The following DNAJC16 variants were observed in gnomAD, a reference collection of about 807,000 sequenced individuals.
DNAJC16 encodes dnaJ homolog subfamily C member 16.
A neutral mutation model predicts 92.7 loss-of-function variants in DNAJC16; 76 were observed. The observed-to-expected ratio is 0.82, with a 90% confidence interval of 0.68 to 0.99. The LOEUF (loss-of-function observed/expected upper bound fraction) is 0.99, where lower values mean the gene tolerates loss of function less well. Among genes scored for constraint, DNAJC16 ranks in the 50% least tolerant of loss-of-function variants. The pLI is 0.00. For synonymous variants in DNAJC16, 328 were observed against 358.7 expected, an observed-to-expected ratio of 0.91 and a Z score of 0.97; for missense variants, 869 against 942.4, an observed-to-expected ratio of 0.92 and a Z score of 1.02.
At chr1:15,538,334 G>T (rs1262423710) in intron 4 of DNAJC16, among the ~76,000 whole-genome samples, 1 of 151,994 alleles carries the variant, frequency 6.6e-6, no homozygotes, top group Non-Finnish European at 1.5e-5. Context: ...AGCAGAGGTT[G>T]CAGTGAGCCA....
At chr1:15,552,173 G>C (rs536409083) in intron 7 of DNAJC16, among the ~76,000 whole-genome samples, 1 of 151,652 alleles carries the variant, frequency 6.6e-6, no homozygotes, top group African/African-American at 2.4e-5. Context: ...CACCCAGCCC[G>C]TTCTTTTTTT....
intron 6 of DNAJC16, among the ~76,000 whole-genome samples, chr1:15,547,376 G>C (rs1638335511): frequency 6.6e-6 from 1 of 151,248 alleles, no homozygotes; most frequent in Admixed American, 6.6e-5. Context: ...TCGAACTCCT[G>C]ACCTTGTGAC....
At chr1:15,563,436 C>T (rs1181611965) in intron 9 of DNAJC16, among the ~76,000 whole-genome samples, 1 of 151,698 alleles carries the variant, frequency 6.6e-6, no homozygotes, top group African/African-American at 2.4e-5. Flanking sequence ...GGCTGAGGCA[C>T]GAGAATTGCT....
intron 7 of DNAJC16, among the ~76,000 whole-genome samples, 200 bp downstream of exon 7, chr1:15,548,628 C>A (rs963624576): frequency 3.9e-5 from 6 of 152,020 alleles, no homozygotes; most frequent in Non-Finnish European, 8.8e-5. Flanking sequence ...AATTTTAGCA[C>A]CTTTAAAGGG....
intron 4 of DNAJC16, among the ~76,000 whole-genome samples, chr1:15,538,670 T>C (rs1710852728): frequency 6.6e-6 from 1 of 152,086 alleles, no homozygotes; most frequent in African/African-American, 2.4e-5. Flanking sequence ...TGAGCTGAGA[T>C]CACACCATTG....
At chr1:15,565,855 ATCT>A in intron 11 of DNAJC16, 61 bp from the exon 12 acceptor site, 1 of 1,518,444 alleles carries the variant, frequency 6.6e-7, no homozygotes, top group South Asian at 1.2e-5. Context: ...TTTTTATTTT[ATCT>A]TTTTTTAGCT....
rs1307648770 is a variant in DNAJC16, at chr1:15,562,207, C to A, written c.1220C>A (p.Ser407Tyr). The change falls in exon 9 of 15, where the codon TCC (serine) becomes TAC (tyrosine). Residue 407 changes from serine to tyrosine, a missense_variant. Coordinates refer to ENST00000375847, the MANE Select transcript of DNAJC16 (RefSeq NM_015291.4). ...AGCAAACCCTTTGAGGCTTTCCTGT[C>A]CTTTGCCCTGGCAAACACTCAAGAC... ...KLSKPFEAFL[S>Y]FALANTQDTV... 1.9e-6 allele frequency: 3 copies of A among 1,614,122 alleles called. No individual in the cohort carries two copies. The highest frequency in any genetic ancestry group is 2.5e-6 in the Non-Finnish European group (3 of 1,179,978).
chr1:15,560,504 A>G (rs1460971937), intron 8 of DNAJC16, among the ~76,000 whole-genome samples: 1 of 152,218 alleles, frequency 6.6e-6, no homozygotes, highest in East Asian at 1.9e-4. Context: ...CAGGGAATGT[A>G]TTCATTACAC....
Position 15,536,456 on chromosome 1 carries a change from T to C in DNAJC16, c.235-19T>C. 2 of 1,543,096 alleles carry C rather than the reference T, an allele frequency of 1.3e-6. No homozygotes were observed. The highest frequency in any genetic ancestry group is 2.5e-5 in the South Asian group (2 of 80,288). ...GATGAACCTTTTGTTGTTGTTTAGA[T>C]TTTTTTCTTCCTTTATAGATTCTTT... On this transcript the variant is annotated intron_variant, in intron 3 of 14. Coordinates refer to ENST00000375847, the MANE Select transcript of DNAJC16 (RefSeq NM_015291.4).
chr1:15,566,443 G>A, intron 13 of DNAJC16: 1 of 455,828 alleles, frequency 2.2e-6, no homozygotes, highest in Admixed American at 3.8e-5. Context: ...GCAGGACGTG[G>A]TTTATCCCTG....
In DNAJC16 at chr1:15,526,901, G is replaced by C. The variant is rs1185911284; in HGVS notation, c.-76G>C. The C allele has an allele frequency of 6.6e-6, 1 of 152,376 alleles. No homozygotes were observed. The highest frequency in any genetic ancestry group is 1.5e-5 in the Non-Finnish European group (1 of 68,106). 9.4% of individuals were successfully genotyped at this position (152,376 alleles called of 1,614,324 possible). ...CGCTGGTGTGGACGGGAAGCTCCCG[G>C]CCCGGCGAACTAACTGGAGCACGGA... On this transcript the variant is annotated 5_prime_UTR_variant, in exon 1 of 15. Coordinates refer to ENST00000375847, the MANE Select transcript of DNAJC16 (RefSeq NM_015291.4).
Position 15,562,306 on chromosome 1 carries a change from C to T in DNAJC16, c.1319C>T (p.Ala440Val), listed in dbSNP as rs777775879. The change falls in exon 9 of 15, where the codon GCG becomes GTG. Residue 440 changes from alanine to valine, a missense_variant. Coordinates refer to ENST00000375847, the MANE Select transcript of DNAJC16 (RefSeq NM_015291.4). ...GACACCTTACTACCAGACAGTGAGG[C>T]GTTTCAAGGGAAATCAGCGGTAAGC... is the stretch of plus-strand genomic sequence containing the variant. ...FADTLLPDSE[A>V]FQGKSAVSIL... 2.7e-5 allele frequency: 44 copies of T among 1,613,102 alleles called. No homozygotes were observed. The African/African-American group carries it at 3.6e-4, about 13-fold the overall frequency.
chr1:15,534,285 A>C lies in DNAJC16; in HGVS notation c.216A>C (p.Gln72His). 2 of 1,614,108 alleles carry C rather than the reference A, an allele frequency of 1.2e-6. No individual in the cohort carries two copies. The highest frequency in any genetic ancestry group is 3.3e-5 in the Admixed American group (2 of 60,018). ...CTGGAGCAGAAGACAAGTTCATTCA[A>C]ATCAGTAAGGCTTACGAGGTATCGT... ...KDPGAEDKFIQISKAYEILSN... is the reference protein window; with the variant it reads ...KDPGAEDKFIHISKAYEILSN... Residue 72 changes from glutamine to histidine, a missense_variant, in exon 3 of 15, where the codon CAA becomes CAC. Transcript: ENST00000375847.
chr1:15,543,253 A>G (rs1431075857), intron 4 of DNAJC16, among the ~76,000 whole-genome samples: 1 of 152,178 alleles, frequency 6.6e-6, no homozygotes, highest in African/African-American at 2.4e-5. Context: ...TTGTGTGTGG[A>G]CCCTGAGTGT....
intron 1 of DNAJC16, 117 bp from the exon 2 acceptor site, chr1:15,528,971 C>G (rs191747736): frequency 2.3e-6 from 2 of 857,998 alleles, no homozygotes; most frequent in African/African-American, 1.7e-5. Flanking sequence ...GACACTTTTC[C>G]TGCAAAATAC....
chr1:15,557,189 G>A (rs992122808), intron 7 of DNAJC16, among the ~76,000 whole-genome samples: 10 of 152,142 alleles, frequency 6.6e-5, no homozygotes, highest in Admixed American at 3.9e-4. Context: ...CTCTTCTCAG[G>A]AAGACTTTAT....
chr1:15,531,495 A>C (rs900456485), intron 2 of DNAJC16, among the ~76,000 whole-genome samples: 1 of 152,222 alleles, frequency 6.6e-6, no homozygotes, highest in Non-Finnish European at 1.5e-5. Context: ...GGATATATAA[A>C]TCTGCAGCAA....
At chr1:15,547,004 T>C (rs1357637529) in intron 6 of DNAJC16, 133 bp downstream of exon 6, 1 of 721,660 alleles carries the variant, frequency 1.4e-6, no homozygotes, top group Non-Finnish European at 2.3e-6. Flanking sequence ...GTTTCATCCA[T>C]GAGAAATGTT....
chr1:15,564,134 G>T, intron 10 of DNAJC16, 23 bp downstream of exon 10: 1 of 1,613,100 alleles, frequency 6.2e-7, no homozygotes, highest in South Asian at 1.1e-5. Context: ...GCTGGGAAGG[G>T]TGGGACACCA....
Sources: gnomAD v4.1 joint callset for allele counts (sites outside exome capture counted in the v4.1 genomes callset) on GRCh38, gnomAD v4.1.1 for gene constraint, MANE v1.5 for transcripts, NCBI Gene and HGNC (gene_info 2026-07-23, HGNC 2026-07-21) for gene names.